The following CRB1 variants were observed in gnomAD, a reference collection of about 807,000 sequenced individuals.
CRB1 encodes the protein crumbs cell polarity complex component 1.
In CRB1, 83 loss-of-function variants were observed where a neutral mutation model predicts 120.0. The ratio of observed to expected loss-of-function variants is 0.69; its 90% CI spans 0.58 to 0.83. CRB1 has a LOEUF of 0.83. CRB1 is among the 40% of genes least tolerant of loss of function. CRB1 has a pLI of 0.00. For synonymous variants in CRB1, 625 were observed against 612.5 expected, an observed-to-expected ratio of 1.02 and a Z score of -0.30; for missense variants, 1,699 against 1,687.6, an observed-to-expected ratio of 1.01 and a Z score of -0.12.
In CRB1 at chr1:197,435,556, T is replaced by A. The variant is rs1665115060; in HGVS notation, c.3693T>A (p.Ser1231Arg). 6.2e-7 allele frequency: 1 copy of A among 1,613,554 alleles called. No individual in the cohort carries two copies. Among genetic ancestry groups the A allele is most frequent in the Non-Finnish European group, 8.5e-7 (1 of 1,179,716 alleles). The change falls in exon 9 of 12, where the codon AGT (serine) becomes AGA (arginine). Residue 1231 changes from serine to arginine, a missense_variant. By Grantham distance (110) the Ser-to-Arg change is moderately radical (BLOSUM62 -1). Coordinates refer to ENST00000367400, the MANE Select transcript of CRB1 (RefSeq NM_201253.3). ...HQCANGATCISHTNGYSCLCF... is the reference protein window; with the variant it reads ...HQCANGATCIRHTNGYSCLCF... ...GTGCAAATGGAGCCACCTGCATTAGTCATACTAATGGCTATTCTTGCCTCT... is the reference window on the plus strand; with the variant it reads ...GTGCAAATGGAGCCACCTGCATTAGACATACTAATGGCTATTCTTGCCTCT...
intron 5 of CRB1, among the ~76,000 whole-genome samples, chr1:197,400,743 G>C (rs1467245418): frequency 1.3e-5 from 2 of 152,030 alleles, no homozygotes; most frequent in Non-Finnish European, 2.9e-5. Context: ...CCTGATTTAA[G>C]TTTCCTTTTG....
chr1:197,241,440 C>A, the CRB1 span, among the ~76,000 whole-genome samples: 5 of 152,162 alleles, frequency 3.3e-5, no homozygotes, highest in Non-Finnish European at 2.9e-5. Context: ...TTTTCCAACA[C>A]CATTTATTAA....
the CRB1 span, among the ~76,000 whole-genome samples, chr1:197,206,170 T>A: frequency 6.6e-6 from 1 of 152,124 alleles, no homozygotes. Context: ...TCCTCACTAG[T>A]GGTCTATCAA....
intron 1 of CRB1, among the ~76,000 whole-genome samples, chr1:197,316,706 A>C (rs752512262): frequency 9.9e-5 from 15 of 152,214 alleles, no homozygotes; most frequent in Non-Finnish European, 1.9e-4. Flanking sequence ...AATTCATTGA[A>C]GCAAACTCTC....
chr1:197,442,622 G>A (rs1229873708), intron 11 of CRB1: 6 of 1,130,002 alleles, frequency 5.3e-6, no homozygotes, highest in Middle Eastern at 3.1e-4. Context: ...TATGAAAAAA[G>A]TGTTCTTAAT....
chr1:197,453,539 T>TATATATAGAGAGAG (rs1553266395), intron 11 of CRB1, among the ~76,000 whole-genome samples: 2 of 58,512 alleles, frequency 3.4e-5, no homozygotes, highest in African/African-American at 8.2e-5. Flanking sequence ...TATATATATA[T>TATATATAGAGAGAG]AGAGAGAGAG....
intron 11 of CRB1, among the ~76,000 whole-genome samples, chr1:197,470,776 T>A (rs1209386238): frequency 6.6e-6 from 1 of 152,282 alleles, no homozygotes; most frequent in Non-Finnish European, 1.5e-5. Flanking sequence ...TGATGGCTCC[T>A]GCCAGGGACT....
At chr1:197,300,231 A>G (rs1656785821) in intron 1 of CRB1, among the ~76,000 whole-genome samples, 1 of 151,950 alleles carries the variant, frequency 6.6e-6, no homozygotes, top group African/African-American at 2.4e-5. Context: ...ATCAAAATCT[A>G]GAACTGATTA....
At chr1:197,239,216 T>C in the CRB1 span, among the ~76,000 whole-genome samples, 1 of 152,164 alleles carries the variant, frequency 6.6e-6, no homozygotes, top group African/African-American at 2.4e-5. Context: ...TCTATAGAAG[T>C]CAATTAGATT....
At chr1:197,375,046 A>G (rs528411548) in intron 5 of CRB1, among the ~76,000 whole-genome samples, 1 of 152,248 alleles carries the variant, frequency 6.6e-6, no homozygotes, top group Admixed American at 6.5e-5. Context: ...CATCTTCTAC[A>G]TCTGAACCCA....
intron 5 of CRB1, among the ~76,000 whole-genome samples, chr1:197,405,964 C>A (rs1266532533): frequency 6.7e-6 from 1 of 150,320 alleles, no homozygotes; most frequent in Non-Finnish European, 1.5e-5. Flanking sequence ...GGGGGTCAGC[C>A]CCCCGCCCGG....
At chr1:197,257,362 C>A in the CRB1 span, among the ~76,000 whole-genome samples, 2 of 152,090 alleles carry the variant, frequency 1.3e-5, no homozygotes, top group Admixed American at 6.6e-5. Context: ...TTTGGAAACA[C>A]CCCCATTACA....
At chr1:197,465,991 G>T (rs568583172) in intron 11 of CRB1, among the ~76,000 whole-genome samples, 1 of 152,266 alleles carries the variant, frequency 6.6e-6, no homozygotes, top group African/African-American at 2.4e-5. Flanking sequence ...TGGGTGACTT[G>T]ACGCCACACT....
intron 4 of CRB1, among the ~76,000 whole-genome samples, chr1:197,354,069 G>T (rs1660279866): frequency 6.6e-6 from 1 of 150,626 alleles, no homozygotes; most frequent in South Asian, 2.1e-4. Context: ...TATTAACTGG[G>T]GAAAACGTAA....
At chr1:197,318,643 A>C (rs1196133479) in intron 1 of CRB1, among the ~76,000 whole-genome samples, 1 of 152,176 alleles carries the variant, frequency 6.6e-6, no homozygotes, top group Admixed American at 6.5e-5. Flanking sequence ...GTACTATCAC[A>C]AGGGAATGTT....
intron 2 of CRB1, among the ~76,000 whole-genome samples, chr1:197,339,669 C>T (rs1268045876): frequency 2.0e-5 from 3 of 152,188 alleles, no homozygotes; most frequent in Non-Finnish European, 4.4e-5. Context: ...AAAGTCAAGA[C>T]CTGTTCCATC....
At chr1:197,331,958 A>T (rs1347477204) in intron 2 of CRB1, among the ~76,000 whole-genome samples, 8 of 152,086 alleles carry the variant, frequency 5.3e-5, no homozygotes, top group Non-Finnish European at 1.0e-4. Flanking sequence ...GCAGATCACG[A>T]GGTCAGGAGA....
At chr1:197,316,429 C>T (rs1170196720) in intron 1 of CRB1, among the ~76,000 whole-genome samples, 2 of 151,992 alleles carry the variant, frequency 1.3e-5, no homozygotes, top group Non-Finnish European at 2.9e-5. Flanking sequence ...GTGATCCGCC[C>T]GCCTCGGCCT....
At chr1:197,260,171 G>GGAAGAGGAAGAGGAA in the CRB1 span, among the ~76,000 whole-genome samples, 2 of 144,702 alleles carry the variant, frequency 1.4e-5, no homozygotes, top group African/African-American at 2.6e-5. Context: ...GAGAGAGAGA[G>GGAAGAGGAAGAGGAA]GAAGAGGAAG....
Sources: gnomAD v4.1 joint callset for allele counts (sites outside exome capture counted in the v4.1 genomes callset) on GRCh38, gnomAD v4.1.1 for gene constraint, MANE v1.5 for transcripts, NCBI Gene and HGNC (gene_info 2026-07-23, HGNC 2026-07-21) for gene names.